Variants in PLEKHH2 observed in about 807,000 individuals in gnomAD.
The protein encoded by PLEKHH2 is pleckstrin homology, MyTH4 and FERM domain containing H2, also known as pleckstrin homology domain-containing family H member 2.
Under a neutral mutation model 187.9 loss-of-function variants are expected in PLEKHH2, and 129 were observed. The ratio of observed to expected loss-of-function variants is 0.69; its 90% CI spans 0.59 to 0.79. The LOEUF (loss-of-function observed/expected upper bound fraction) is 0.79. Among genes scored for constraint, PLEKHH2 ranks in the 30% least tolerant of loss-of-function variants. PLEKHH2 has a pLI of 0.00. For synonymous variants in PLEKHH2, 686 were observed against 605.6 expected (o/e 1.13, Z -1.95); for missense variants, 2,076 against 1,751.2 (o/e 1.19, Z -3.31).
intron 3 of PLEKHH2, chr2:43,680,338 G>T (rs992769818): frequency 6.6e-6 from 1 of 150,916 alleles, no homozygotes; most frequent in African/African-American, 2.4e-5. Context: ...TAATTACCTT[G>T]ATTTGATCAT....
At chr2:43,680,357 G>C (rs1210459792) in intron 3 of PLEKHH2, 1 of 129,908 alleles carries the variant, frequency 7.7e-6, no homozygotes, top group Non-Finnish European at 1.8e-5. Context: ...ATTACACATT[G>C]TATACACACA....
chr2:43,676,696 C>T (rs1179558943), intron 2 of PLEKHH2, among the ~76,000 whole-genome samples: 1 of 152,152 alleles, frequency 6.6e-6, no homozygotes, highest in Non-Finnish European at 1.5e-5. Flanking sequence ...CCTGGTACAA[C>T]ACATCCCGTA....
intron 1 of PLEKHH2, among the ~76,000 whole-genome samples, chr2:43,638,668 G>A (rs1395994086): frequency 6.6e-6 from 1 of 152,146 alleles, no homozygotes; most frequent in Admixed American, 6.5e-5. Flanking sequence ...TTAGCAGTCG[G>A]CTATGTTATA....
chr2:43,694,904 G>C (rs955304127), intron 5 of PLEKHH2, among the ~76,000 whole-genome samples: 1 of 152,040 alleles, frequency 6.6e-6, no homozygotes, highest in African/African-American at 2.4e-5. Context: ...AGTGGAAAAG[G>C]CATAAGGGGT....
At position 43,669,648 on chromosome 2, in the gene PLEKHH2, C is replaced by T. The variant is rs182273215; in HGVS notation, c.124-9215C>T. Among the ~76,000 whole-genome samples, 443 of 151,246 alleles carry T rather than the reference C, an allele frequency of 2.9e-3. 1 individual carries two copies. Among genetic ancestry groups the T allele is most frequent in the Non-Finnish European group, 4.4e-3 (297 of 67,812 alleles). On this transcript the variant is annotated intron_variant, in intron 2 of 29. Coordinates refer to ENST00000282406, the MANE Select transcript of PLEKHH2 (RefSeq NM_172069.4). ...AAACTAAGACTAAAGCAGAAGGAAC[C>T]GAAGAATGGATAAACTCAACACATA... is the stretch of plus-strand genomic sequence containing the variant.
chr2:43,657,181 G>T (rs1429789956), intron 2 of PLEKHH2, among the ~76,000 whole-genome samples: 2 of 152,174 alleles, frequency 1.3e-5, no homozygotes, highest in Non-Finnish European at 2.9e-5. Flanking sequence ...TCAGCTGGAG[G>T]GTGGACTCAC....
chr2:43,681,887 A>C (rs1001787784), intron 3 of PLEKHH2, among the ~76,000 whole-genome samples: 1 of 152,190 alleles, frequency 6.6e-6, no homozygotes, highest in Non-Finnish European at 1.5e-5. Context: ...AAATAAGCCC[A>C]ATGTAGCCTA....
intron 28 of PLEKHH2, among the ~76,000 whole-genome samples, 186 bp downstream of exon 28, chr2:43,762,576 G>T (rs1365646160): frequency 1.3e-5 from 2 of 152,132 alleles, no homozygotes; most frequent in African/African-American, 4.8e-5. Flanking sequence ...TTTAAAACAA[G>T]ATAAGACAGG....
intron 22 of PLEKHH2, among the ~76,000 whole-genome samples, chr2:43,743,525 A>G (rs974933200): frequency 2.0e-5 from 3 of 152,244 alleles, no homozygotes; most frequent in Non-Finnish European, 2.9e-5. Context: ...ATATTGTACT[A>G]TAGTTCTTGG....
intron 29 of PLEKHH2, 22 bp downstream of exon 29, chr2:43,764,387 A>C: frequency 1.9e-6 from 3 of 1,609,160 alleles, no homozygotes; most frequent in Non-Finnish European, 2.5e-6. Flanking sequence ...CCTTTCTGCC[A>C]ACTTTTTTGT....
At chr2:43,687,045 C>T in intron 3 of PLEKHH2, among the ~76,000 whole-genome samples, 1 of 152,074 alleles carries the variant, frequency 6.6e-6, no homozygotes, top group Non-Finnish European at 1.5e-5. Flanking sequence ...AGGTTTGCTA[C>T]ATGGTTATAT....
At position 43,700,588 on chromosome 2, in the gene PLEKHH2, C is replaced by G. The variant is rs749111665; in HGVS notation, c.1630C>G (p.Leu544Val). 91 of 1,609,336 alleles carry G rather than the reference C, an allele frequency of 5.7e-5. No homozygotes were observed. The highest frequency in any genetic ancestry group is 7.4e-5 in the Non-Finnish European group (87 of 1,178,982). The change falls in exon 8 of 30, where the codon CTG becomes GTG. Residue 544 changes from leucine to valine, a missense_variant. Coordinates refer to ENST00000282406, the MANE Select transcript of PLEKHH2 (RefSeq NM_172069.4). ...ATACAGCAAACCTCCAACTCCTCCCCTGCACCGTTTTCCTTCTTGGGTAAT... is the reference window on the plus strand; with the variant it reads ...ATACAGCAAACCTCCAACTCCTCCCGTGCACCGTTTTCCTTCTTGGGTAAT... ...VAYSKPPTPP[L>V]HRFPSWESRI...
At chr2:43,761,412 T>A (rs919688408) in intron 27 of PLEKHH2, among the ~76,000 whole-genome samples, 9 of 122,326 alleles carry the variant, frequency 7.4e-5, no homozygotes, top group Admixed American at 6.0e-4. Context: ...GCTTTTAGCT[T>A]TTTTTTTTTT....
At chr2:43,752,555 G>A (rs576572045) in intron 24 of PLEKHH2, among the ~76,000 whole-genome samples, 1 of 152,210 alleles carries the variant, frequency 6.6e-6, no homozygotes, top group East Asian at 1.9e-4. Context: ...AGTGTGTAGG[G>A]GGAAGAAAAG....
intron 21 of PLEKHH2, 129 bp from the exon 22 acceptor site, chr2:43,742,611 CA>C (rs1428110112): frequency 1.8e-5 from 11 of 617,462 alleles, no homozygotes; most frequent in South Asian, 9.0e-5. Flanking sequence ...TATTATCATT[CA>C]AAAAAAGTTA....
At position 43,765,821 on chromosome 2, in the gene PLEKHH2, G is replaced by A; in HGVS notation, c.*223G>A. 1 of 409,516 alleles carries A rather than the reference G, an allele frequency of 2.4e-6. No homozygotes were observed. Among genetic ancestry groups the A allele is most frequent in the Non-Finnish European group, 4.3e-6 (1 of 233,576 alleles). 25.4% of individuals were successfully genotyped at this position (409,516 alleles called of 1,614,324 possible). A position where few individuals can be genotyped will look rare whatever the true frequency, so the allele number is the denominator to read the frequency against. On this transcript the variant is annotated 3_prime_UTR_variant, in exon 30 of 30. Coordinates refer to ENST00000282406, the MANE Select transcript of PLEKHH2 (RefSeq NM_172069.4). ...GCCAACACACTAATTTTCTTATAGA[G>A]TAAATGAGTAAGAATTCATCATTTT...
chr2:43,764,371 TAGA>T lies in PLEKHH2; in HGVS notation c.4296+9_4296+11del. 4 of 1,611,818 alleles carry T rather than the reference TAGA, an allele frequency of 2.5e-6. No individual in the cohort carries two copies. The highest frequency in any genetic ancestry group is 3.4e-6 in the Non-Finnish European group (4 of 1,178,962). On this transcript the variant is annotated splice_region_variant and intron_variant, in intron 29 of 29. Transcript: ENST00000282406. Reference sequence around the variant, plus strand: ...TTGCCATGGCAAAACCCAAGGTGAGTAGAAGCCTTTCTGCCAACTTTTTTGTCC... The same window carrying T: ...TTGCCATGGCAAAACCCAAGGTGAGTAGCCTTTCTGCCAACTTTTTTGTCC...
rs770911733 is a variant in PLEKHH2 at position 43,727,066 on chromosome 2, TA to T, written c.2721+616del. On this transcript the variant is annotated intron_variant, in intron 17 of 29. Coordinates refer to ENST00000282406, the MANE Select transcript of PLEKHH2 (RefSeq NM_172069.4). ...AAGAGTTAAAAGAATTCAATGAAAT[TA>T]TTTTTTAAAAAGGCCTTTATCTGAG... Among the ~76,000 whole-genome samples, 147 of 150,476 alleles carry T rather than the reference TA, an allele frequency of 9.8e-4. 1 individual carries two copies. The highest frequency in any genetic ancestry group is 2.0e-3 in the Non-Finnish European group (134 of 68,014).
chr2:43,680,748 A>G (rs1309862819), intron 3 of PLEKHH2: 13 of 406,810 alleles, frequency 3.2e-5, no homozygotes, highest in South Asian at 1.3e-4. Flanking sequence ...AAGGACCTCT[A>G]TATGTGGCAG....
Sources: gnomAD v4.1 joint callset for allele counts (sites outside exome capture counted in the v4.1 genomes callset) on GRCh38, gnomAD v4.1.1 for gene constraint, MANE v1.5 for transcripts, NCBI Gene and HGNC (gene_info 2026-07-23, HGNC 2026-07-21) for gene names.